SETD3: variants seen among roughly 807,000 people sequenced by gnomAD.
SETD3 encodes SET domain containing 3, actin N3(tau)-histidine methyltransferase, also known as actin-histidine N-methyltransferase.
A neutral mutation model predicts 63.0 loss-of-function variants in SETD3; 19 were observed. That is an observed-to-expected ratio of 0.30 (90% CI 0.21 to 0.44). The LOEUF is 0.44. Among genes scored for constraint, SETD3 ranks in the 20% least tolerant of loss-of-function variants. SETD3 has a pLI of 1.00. For missense variants in SETD3, 587 were observed against 728.5 expected (o/e 0.81, Z 2.24); for synonymous variants, 286 against 264.1 (o/e 1.08, Z -0.80).
intron 6 of SETD3, among the ~76,000 whole-genome samples, chr14:99,455,907 C>A (rs1894730830): frequency 6.6e-6 from 1 of 152,248 alleles, no homozygotes; most frequent in Admixed American, 6.5e-5. Context: ...GTAATCCCAG[C>A]ACTTTGGGAG....
chr14:99,454,462 A>T (rs1171605673), intron 6 of SETD3, among the ~76,000 whole-genome samples: 2 of 152,218 alleles, frequency 1.3e-5, no homozygotes, highest in African/African-American at 2.4e-5. Flanking sequence ...TTTGGCCACC[A>T]GGAGTTTTGT....
chr14:99,398,815 T>C lies in SETD3; in HGVS notation c.1649A>G (p.Asn550Ser). 1 of 1,614,174 alleles carries C rather than the reference T, an allele frequency of 6.2e-7. No homozygotes were observed. The highest frequency in any genetic ancestry group is 1.1e-5 in the South Asian group (1 of 91,086). ...AGAGTTTTCACCGTTTACAAGCCCG[T>C]TTTCTGTGGCCTTTGCTTTGCTGAT... is the stretch of plus-strand genomic sequence containing the variant. ...EAISKAKATE[N>S]GLVNGENSIP... Residue 550 changes from asparagine to serine, a missense_variant, in exon 13 of 13, where the codon AAC becomes AGC. Coordinates refer to ENST00000331768, the MANE Select transcript of SETD3 (RefSeq NM_032233.3).
chr14:99,461,757 TA>T (rs1483532840), intron 3 of SETD3, among the ~76,000 whole-genome samples: 1 of 152,216 alleles, frequency 6.6e-6, no homozygotes, highest in Non-Finnish European at 1.5e-5. Context: ...GTAGCTCGCG[TA>T]TGTGCACAAG....
chr14:99,451,250 T>G (rs1404629430), intron 6 of SETD3, among the ~76,000 whole-genome samples: 1 of 152,216 alleles, frequency 6.6e-6, no homozygotes, highest in East Asian at 1.9e-4. Context: ...GATCTGCTAG[T>G]ATTTTTCTAG....
chr14:99,404,509 G>A (rs901927671), intron 10 of SETD3, among the ~76,000 whole-genome samples, 199 bp from the exon 11 acceptor site: 7 of 152,148 alleles, frequency 4.6e-5, no homozygotes, highest in African/African-American at 7.2e-5. Context: ...GGAGGCAAGC[G>A]GACATCCAGA....
the SETD3 span, among the ~76,000 whole-genome samples, chr14:99,485,959 GTTATT>G: frequency 6.6e-6 from 1 of 152,128 alleles, no homozygotes; most frequent in Admixed American, 6.5e-5. Flanking sequence ...TTCTAAAAAT[GTTATT>G]TTATTTATAT....
chr14:99,463,378 C>G (rs1895183319), intron 3 of SETD3, 108 bp downstream of exon 3: 1 of 808,406 alleles, frequency 1.2e-6, no homozygotes, highest in African/African-American at 1.7e-5. Context: ...CAAGACCTTT[C>G]AGAGTGACAC....
At chr14:99,412,926 A>G (rs1451208017) in intron 8 of SETD3, 25 bp downstream of exon 8, 1 of 1,503,762 alleles carries the variant, frequency 6.6e-7, no homozygotes, top group South Asian at 1.1e-5. Flanking sequence ...CAGATTCAAC[A>G]CAACACAGGG....
At chr14:99,483,178 T>C (rs1309815215), upstream of SETD3, among the ~76,000 whole-genome samples, 3 of 152,146 alleles carry the variant, frequency 2.0e-5, no homozygotes, top group African/African-American at 7.2e-5. Flanking sequence ...TAGAATCTTG[T>C]TGGAAGAGCC....
intron 1 of SETD3, among the ~76,000 whole-genome samples, chr14:99,470,658 G>A (rs1224673108): frequency 6.6e-6 from 1 of 152,112 alleles, no homozygotes; most frequent in Non-Finnish European, 1.5e-5. Context: ...GCAGTCGGGC[G>A]TGAACTTAAG....
chr14:99,471,538 G>A (rs950907265), intron 1 of SETD3, among the ~76,000 whole-genome samples: 1 of 152,230 alleles, frequency 6.6e-6, no homozygotes, highest in African/African-American at 2.4e-5. Flanking sequence ...AGGAGGCTGA[G>A]GTGGGAGGCT....
At chr14:99,451,055 G>A (rs1595232037) in intron 6 of SETD3, among the ~76,000 whole-genome samples, 1 of 152,268 alleles carries the variant, frequency 6.6e-6, no homozygotes, top group Non-Finnish European at 1.5e-5. Context: ...AAAAACATCT[G>A]AGCTAATCAT....
At chr14:99,428,302 T>C (rs936156935) in intron 6 of SETD3, among the ~76,000 whole-genome samples, 5 of 152,192 alleles carry the variant, frequency 3.3e-5, no homozygotes, top group African/African-American at 1.2e-4. Context: ...GAGCACCCCC[T>C]GGTCTTCAGC....
At chr14:99,484,903 G>A (rs1357205724), upstream of SETD3, among the ~76,000 whole-genome samples, 1 of 152,204 alleles carries the variant, frequency 6.6e-6, no homozygotes, top group Non-Finnish European at 1.5e-5. Context: ...GCACATTCCT[G>A]AAAGGTGCTG....
chr14:99,456,194 T>G (rs1353841050), intron 6 of SETD3, among the ~76,000 whole-genome samples: 1 of 152,192 alleles, frequency 6.6e-6, no homozygotes, highest in Admixed American at 6.5e-5. Flanking sequence ...TAAAAGAACT[T>G]ATATGTGTGA....
chr14:99,456,903 C>G (rs1463579070), intron 6 of SETD3, among the ~76,000 whole-genome samples: 2 of 152,188 alleles, frequency 1.3e-5, no homozygotes, highest in African/African-American at 4.8e-5. Context: ...TCCAACCTGC[C>G]AACAGAAGAG....
chr14:99,430,557 G>C (rs562351157), intron 6 of SETD3, among the ~76,000 whole-genome samples: 2 of 152,282 alleles, frequency 1.3e-5, no homozygotes, highest in Non-Finnish European at 1.5e-5. Flanking sequence ...CTTTTGACCT[G>C]ACCTGCAAAC....
intron 6 of SETD3, among the ~76,000 whole-genome samples, chr14:99,419,786 CA>C (rs1387120602): frequency 0.031 from 4,046 of 130,460 alleles, 167 homozygotes; most frequent in African/African-American, 0.11. Flanking sequence ...AAAAAAAAAA[CA>C]AAAAAAAAAA....
At chr14:99,466,198 C>A (rs1895362092) in intron 1 of SETD3, among the ~76,000 whole-genome samples, 1 of 152,192 alleles carries the variant, frequency 6.6e-6, no homozygotes, top group South Asian at 2.1e-4. Context: ...TATATTCTCT[C>A]CCCACTTTGC....
Sources: gnomAD v4.1 joint callset for allele counts (sites outside exome capture counted in the v4.1 genomes callset) on GRCh38, gnomAD v4.1.1 for gene constraint, MANE v1.5 for transcripts, NCBI Gene and HGNC (gene_info 2026-07-23, HGNC 2026-07-21) for gene names.